Variants in PTPRK observed in about 807,000 individuals in gnomAD.
PTPRK encodes the protein receptor-type tyrosine-protein phosphatase kappa.
Under a neutral mutation model 178.0 loss-of-function variants are expected in PTPRK, and 75 were observed. The ratio of observed to expected loss-of-function variants is 0.42; its 90% CI spans 0.35 to 0.51. The LOEUF (loss-of-function observed/expected upper bound fraction) is 0.51, where lower values mean the gene tolerates loss of function less well. PTPRK is among the 20% of genes least tolerant of loss of function. The pLI, the probability that PTPRK is intolerant of heterozygous loss-of-function variation, is 0.02. For missense variants in PTPRK, 1,441 were observed against 1,797.8 expected (o/e 0.80, Z 3.59); for synonymous variants, 637 against 620.6 (o/e 1.03, Z -0.39).
At chr6:128,327,312 C>T (rs553078816) in intron 2 of PTPRK, among the ~76,000 whole-genome samples, 1 of 152,210 alleles carries the variant, frequency 6.6e-6, no homozygotes, top group South Asian at 2.1e-4. Flanking sequence ...TGTTGGTATA[C>T]TTTAGTACAC....
chr6:128,234,699 C>G (rs997471645), intron 5 of PTPRK, among the ~76,000 whole-genome samples: 1 of 152,142 alleles, frequency 6.6e-6, no homozygotes, highest in African/African-American at 2.4e-5. Flanking sequence ...TTTGAATGAG[C>G]CACAAATTGT....
chr6:128,152,216 A>T (rs1176824126), intron 7 of PTPRK, among the ~76,000 whole-genome samples: 1 of 152,048 alleles, frequency 6.6e-6, no homozygotes, highest in Non-Finnish European at 1.5e-5. Flanking sequence ...GAAGATTTGT[A>T]GCTGAGAGTT....
intron 1 of PTPRK, among the ~76,000 whole-genome samples, chr6:128,416,217 CT>C (rs1159663224): frequency 6.6e-6 from 1 of 152,004 alleles, no homozygotes; most frequent in Non-Finnish European, 1.5e-5. Flanking sequence ...GACATATTAA[CT>C]AATTTTTGCA....
chr6:128,370,835 T>G (rs886313296), intron 2 of PTPRK, among the ~76,000 whole-genome samples: 1 of 152,198 alleles, frequency 6.6e-6, no homozygotes, highest in Non-Finnish European at 1.5e-5. Flanking sequence ...CAAATCTATT[T>G]GCCTTGCAAA....
At chr6:128,428,513 C>T (rs549240482) in intron 1 of PTPRK, among the ~76,000 whole-genome samples, 1 of 152,042 alleles carries the variant, frequency 6.6e-6, no homozygotes, top group Admixed American at 6.5e-5. Context: ...GATCTAGGAA[C>T]GTCATACAGA....
intron 1 of PTPRK, among the ~76,000 whole-genome samples, chr6:128,468,542 T>C (rs1260534677): frequency 6.6e-6 from 1 of 152,190 alleles, no homozygotes; most frequent in Non-Finnish European, 1.5e-5. Context: ...TGTATTACTG[T>C]TAAATATTAT....
At chr6:128,415,164 G>A (rs181101667) in intron 1 of PTPRK, among the ~76,000 whole-genome samples, 3 of 152,176 alleles carry the variant, frequency 2.0e-5, no homozygotes, top group Non-Finnish European at 4.4e-5. Flanking sequence ...CACACAACCT[G>A]GCAGAAAACA....
In PTPRK at chr6:128,067,648, C is replaced by A. The variant is rs766254642; in HGVS notation, c.2028G>T (p.Pro676=). The change falls in exon 12 of 30, where the codon CCG becomes CCT. Residue 676 remains proline, a synonymous_variant. Coordinates refer to ENST00000368226, the MANE Select transcript of PTPRK (RefSeq NM_002844.4). ...APYYFAAELP[P]GNLPEPAPFT... is the part of the protein sequence containing the mutation. ...ACGGGGCAGGCTCAGGTAGGTTTCC[C>A]GGGGGGAGTTCTGCAGCAAAGTAAT... is the stretch of plus-strand genomic sequence containing the variant. 2.5e-6 allele frequency: 4 copies of A among 1,613,490 alleles called. No individual in the cohort carries two copies. The Admixed American group carries it at 6.7e-5, about 27-fold the overall frequency.
intron 7 of PTPRK, 88 bp from the exon 8 acceptor site, chr6:128,090,080 T>C (rs545390772): frequency 1.2e-3 from 1,190 of 1,032,366 alleles, no homozygotes; most frequent in Non-Finnish European, 1.6e-3. Flanking sequence ...ATATAGCATA[T>C]GCAAATCTAG....
chr6:128,128,143 A>G (rs983592204), intron 7 of PTPRK, among the ~76,000 whole-genome samples: 1 of 152,214 alleles, frequency 6.6e-6, no homozygotes, highest in African/African-American at 2.4e-5. Context: ...AATTTTATAA[A>G]GTTTTAAGAT....
intron 1 of PTPRK, among the ~76,000 whole-genome samples, chr6:128,428,985 G>A (rs185531996): frequency 3.3e-5 from 5 of 152,146 alleles, no homozygotes; most frequent in Admixed American, 3.3e-4. Context: ...TTTTCATTAG[G>A]TTAGGTGTAT....
chr6:128,102,970 C>G (rs922742601), intron 7 of PTPRK, among the ~76,000 whole-genome samples: 6 of 152,146 alleles, frequency 3.9e-5, no homozygotes, highest in Non-Finnish European at 5.9e-5. Context: ...CCTGGAAACA[C>G]GTGGCCCTAA....
intron 1 of PTPRK, among the ~76,000 whole-genome samples, chr6:128,431,704 A>G (rs1360944573): frequency 6.6e-6 from 1 of 152,232 alleles, no homozygotes; most frequent in Non-Finnish European, 1.5e-5. Flanking sequence ...TTAATGAAGC[A>G]ATGGTCTTTT....
At chr6:128,215,317 T>C (rs1352421936) in intron 6 of PTPRK, among the ~76,000 whole-genome samples, 1 of 152,172 alleles carries the variant, frequency 6.6e-6, no homozygotes, top group Non-Finnish European at 1.5e-5. Flanking sequence ...AAATAATCTG[T>C]AGCATAATTA....
intron 13 of PTPRK, 135 bp from the exon 14 acceptor site, chr6:128,009,403 C>T (rs1314103616): frequency 1.3e-6 from 1 of 757,116 alleles, no homozygotes; most frequent in Non-Finnish European, 2.0e-6. Flanking sequence ...AATGTAAATA[C>T]AGAAGCATGC....
At chr6:128,271,991 T>C (rs1319609153) in intron 3 of PTPRK, among the ~76,000 whole-genome samples, 2 of 152,024 alleles carry the variant, frequency 1.3e-5, no homozygotes, top group East Asian at 1.9e-4. Flanking sequence ...TATAATGAAG[T>C]TCTGCATGAC....
Position 128,002,392 on chromosome 6 carries a change from C to T in PTPRK, c.2494+2692G>A, listed in dbSNP as rs148977533. ...TCTTTGGTTAAAGCTTAACTAGAAA[C>T]GCTGGTAAAATTGATATGGAACCTG... On this transcript the variant is annotated intron_variant, in intron 15 of 29. Coordinates refer to ENST00000368226, the MANE Select transcript of PTPRK (RefSeq NM_002844.4). Among the ~76,000 whole-genome samples, 124 of 151,712 alleles carry T rather than the reference C, an allele frequency of 8.2e-4. 1 individual carries two copies. The East Asian group carries it at 8.8e-3, about 11-fold the overall frequency.
At chr6:128,360,455 G>C (rs62425675) in intron 2 of PTPRK, among the ~76,000 whole-genome samples, 5 of 152,138 alleles carry the variant, frequency 3.3e-5, no homozygotes, top group Non-Finnish European at 7.4e-5. Flanking sequence ...CCAAAAAGTA[G>C]TCACAAAACA....
chr6:127,986,918 C>T (rs1043933762), intron 21 of PTPRK, among the ~76,000 whole-genome samples: 13 of 152,086 alleles, frequency 8.5e-5, no homozygotes, highest in African/African-American at 1.2e-4. Flanking sequence ...ATACCCTACA[C>T]AAAGCAGGGA....
Sources: gnomAD v4.1 joint callset for allele counts (sites outside exome capture counted in the v4.1 genomes callset) on GRCh38, gnomAD v4.1.1 for gene constraint, MANE v1.5 for transcripts, NCBI Gene and HGNC (gene_info 2026-07-23, HGNC 2026-07-21) for gene names.